EFR3B: variants seen among roughly 807,000 people sequenced by gnomAD.
The protein encoded by EFR3B is EFR3 homolog B.
Under a neutral mutation model 104.7 loss-of-function variants are expected in EFR3B, and 64 were observed. That is an observed-to-expected ratio of 0.61 (90% CI 0.50 to 0.75). EFR3B has a LOEUF of 0.75. EFR3B is among the 30% of genes least tolerant of loss of function. The pLI, the probability that EFR3B is intolerant of heterozygous loss-of-function variation, is 0.00. For synonymous variants in EFR3B, 385 were observed against 417.9 expected (o/e 0.92, Z 0.96); for missense variants, 750 against 1,078.5 (o/e 0.70, Z 4.27).
At chr2:25,069,445 G>A (rs1316884779) in intron 1 of EFR3B, among the ~76,000 whole-genome samples, 2 of 152,192 alleles carry the variant, frequency 1.3e-5, no homozygotes, top group Admixed American at 6.5e-5. Flanking sequence ...GTCTGTGACG[G>A]TTCTTGGCTT....
At chr2:25,135,720 C>T in intron 13 of EFR3B, 81 bp downstream of exon 13, 2 of 1,473,148 alleles carry the variant, frequency 1.4e-6, no homozygotes, top group South Asian at 1.3e-5. Context: ...GTCCTGTCCT[C>T]ACACCCAGGT....
chr2:25,066,173 G>T (rs1483160917), intron 1 of EFR3B, among the ~76,000 whole-genome samples: 1 of 152,104 alleles, frequency 6.6e-6, no homozygotes, highest in African/African-American at 2.4e-5. Context: ...CACACTTCCA[G>T]CTGGACACTT....
chr2:25,087,620 C>T (rs1407611537), intron 1 of EFR3B, among the ~76,000 whole-genome samples: 1 of 151,838 alleles, frequency 6.6e-6, no homozygotes, highest in East Asian at 1.9e-4. Flanking sequence ...CTACAGGCAC[C>T]CGCCACCATG....
At chr2:25,075,496 T>C (rs766412354) in intron 1 of EFR3B, among the ~76,000 whole-genome samples, 1 of 152,218 alleles carries the variant, frequency 6.6e-6, no homozygotes, top group Non-Finnish European at 1.5e-5. Context: ...ATTTAAATAA[T>C]GTTCAAAGTT....
rs73920645 is a variant in EFR3B at position 25,057,450 on chromosome 2, C to T, written c.7+15131C>T. Among the ~76,000 whole-genome samples the T allele has an allele frequency of 4.0e-3, 608 of 151,928 alleles. 3 individuals are homozygous for T. The highest frequency in any genetic ancestry group is 0.013 in the African/African-American group (553 of 41,456). On this transcript the variant is annotated intron_variant, in intron 1 of 22. Transcript: ENST00000403714. ...AAAAAACAGATCTGTTTTATTCCAACGTTATTCTCTTATATCCCACATAGA... is the reference window on the plus strand; with the variant it reads ...AAAAAACAGATCTGTTTTATTCCAATGTTATTCTCTTATATCCCACATAGA...
At chr2:25,113,851 T>C (rs1027351969) in intron 4 of EFR3B, among the ~76,000 whole-genome samples, 6 of 152,060 alleles carry the variant, frequency 3.9e-5, no homozygotes, top group Admixed American at 3.9e-4. Flanking sequence ...ATACCAAGCC[T>C]ACAAGGCAGG....
chr2:25,055,468 C>G lies in EFR3B; in HGVS notation c.7+13149C>G, dbSNP rs1667991224. Among the ~76,000 whole-genome samples, 5 of 152,136 alleles carry G rather than the reference C, an allele frequency of 3.3e-5. No homozygotes were observed. In the South Asian group the frequency reaches 1.0e-3, roughly 32 times the overall value. ...ATCTGAGAATTAGGATTCCTGGATTCAAACGCTAACTGTCTTATTACCGTG... is the reference window on the plus strand; with the variant it reads ...ATCTGAGAATTAGGATTCCTGGATTGAAACGCTAACTGTCTTATTACCGTG... On this transcript the variant is annotated intron_variant, in intron 1 of 22. Transcript: ENST00000403714.
intron 1 of EFR3B, among the ~76,000 whole-genome samples, chr2:25,077,096 T>C (rs951260353): frequency 1.3e-5 from 2 of 152,230 alleles, no homozygotes; most frequent in Non-Finnish European, 2.9e-5. Context: ...TGCAGCCACA[T>C]GGTACTGTTT....
At chr2:25,090,287 C>T (rs1376676248) in intron 1 of EFR3B, among the ~76,000 whole-genome samples, 7 of 152,196 alleles carry the variant, frequency 4.6e-5, no homozygotes, top group South Asian at 2.1e-4. Context: ...CCTCCATGCC[C>T]GCCCGCCCCC....
intron 1 of EFR3B, among the ~76,000 whole-genome samples, chr2:25,060,642 C>T (rs553015549): frequency 4.6e-5 from 7 of 151,786 alleles, no homozygotes; most frequent in East Asian, 1.9e-4. Context: ...CACTGTCGGC[C>T]GGGCGCGGTG....
At chr2:25,105,746 G>A (rs1669544422) in intron 4 of EFR3B, among the ~76,000 whole-genome samples, 1 of 152,172 alleles carries the variant, frequency 6.6e-6, no homozygotes, top group South Asian at 2.1e-4. Context: ...AAATGAACCA[G>A]CCACCATGCA....
chr2:25,136,838 C>T lies in EFR3B; in HGVS notation c.1560+240C>T, dbSNP rs1160510769. Among the ~76,000 whole-genome samples the T allele has an allele frequency of 1.3e-5, 2 of 152,208 alleles. No individual in the cohort carries two copies. The highest frequency in any genetic ancestry group is 2.4e-5 in the African/African-American group (1 of 41,448). ...GGCTGAGGCAGGAGAATCGCTTGAA[C>T]CCAGAAGGTGGAGGTTGCAGTGAAC... is the stretch of plus-strand genomic sequence containing the variant. On this transcript the variant is annotated intron_variant, in intron 14 of 22. Transcript: ENST00000403714. This position sits in a 1 kb window ranked among gnomAD's most constrained non-coding sequence, Gnocchi z 4.0.
intron 2 of EFR3B, among the ~76,000 whole-genome samples, chr2:25,091,618 T>C (rs1052759102): frequency 6.6e-6 from 1 of 152,226 alleles, no homozygotes; most frequent in Non-Finnish European, 1.5e-5. Flanking sequence ...CATTTGGATC[T>C]GCAGAAGGCA....
rs1671075145 is a variant in EFR3B, at chr2:25,153,588, G to A, written c.2299-124G>A. On this transcript the variant is annotated intron_variant, in intron 21 of 22. Coordinates refer to ENST00000403714, the MANE Select transcript of EFR3B (RefSeq NM_014971.2). ...TGAGTGCTGGAGCGTGTTCACCTCTGCCTGCCTTCCTAAGGCTGTGGCTGC... is the reference window on the plus strand; with the variant it reads ...TGAGTGCTGGAGCGTGTTCACCTCTACCTGCCTTCCTAAGGCTGTGGCTGC... The A allele has an allele frequency of 9.5e-6, 9 of 943,502 alleles. No individual in the cohort carries two copies. The South Asian group carries it at 1.3e-4, about 14-fold the overall frequency. The allele number at this position is 943,502 out of a possible 1,614,324, so 58.4% of individuals were successfully genotyped here.
At chr2:25,103,561 T>G in intron 3 of EFR3B, 76 bp from the exon 4 acceptor site, 2 of 1,503,326 alleles carry the variant, frequency 1.3e-6, no homozygotes, top group East Asian at 2.5e-5. Flanking sequence ...GTCACCACAC[T>G]GACACCTTGC....
chr2:25,118,041 G>A lies in EFR3B; in HGVS notation c.364-3632G>A, dbSNP rs140676284. Among the ~76,000 whole-genome samples the A allele has an allele frequency of 3.2e-3, 482 of 152,298 alleles. 4 individuals are homozygous for A. Among genetic ancestry groups the A allele is most frequent in the Non-Finnish European group, 4.7e-3 (318 of 68,032 alleles). ...GTCGCCCAGGCTGGAGTGCAGTGGT[G>A]TGATCTTGGCTTACTACAACCTCTG... is the stretch of plus-strand genomic sequence containing the variant. On this transcript the variant is annotated intron_variant, in intron 4 of 22. Transcript: ENST00000403714.
intron 3 of EFR3B, among the ~76,000 whole-genome samples, chr2:25,096,440 T>C (rs1257330519): frequency 6.6e-6 from 1 of 152,230 alleles, no homozygotes; most frequent in African/African-American, 2.4e-5. Flanking sequence ...TCCCTGTCTT[T>C]CCTGCTTTGG....
intron 1 of EFR3B, among the ~76,000 whole-genome samples, chr2:25,058,795 A>T (rs1668098767): frequency 7.1e-6 from 1 of 141,378 alleles, no homozygotes; most frequent in South Asian, 2.4e-4. Flanking sequence ...AACAATAACC[A>T]AGTGTTGGTG....
Position 25,119,793 on chromosome 2 carries a change from A to G in EFR3B, c.364-1880A>G, listed in dbSNP as rs1053067817. ...TAAGAATAAAACACTACAATAATTA[A>G]TGATGTTTGTGGAAGCTGCTAATTT... On this transcript the variant is annotated intron_variant, in intron 4 of 22. Coordinates refer to ENST00000403714, the MANE Select transcript of EFR3B (RefSeq NM_014971.2). Among the ~76,000 whole-genome samples, 4 of 152,340 alleles carry G rather than the reference A, an allele frequency of 2.6e-5. No homozygotes were observed. In the South Asian group the frequency reaches 8.3e-4, roughly 32 times the overall value.
Sources: gnomAD v4.1 joint callset for allele counts (sites outside exome capture counted in the v4.1 genomes callset) on GRCh38, gnomAD v4.1.1 for gene constraint, Gnocchi (gnomAD v3.1) non-coding constraint, MANE v1.5 for transcripts, NCBI Gene and HGNC (gene_info 2026-07-23, HGNC 2026-07-21) for gene names.